Variants in CDH13 observed in about 807,000 individuals in gnomAD.
CDH13 encodes the protein cadherin 13, also known as cadherin-13.
In CDH13, 24 loss-of-function variants were observed where a neutral mutation model predicts 63.8. The ratio of observed to expected loss-of-function variants is 0.38; its 90% CI spans 0.27 to 0.53. The LOEUF is 0.53. CDH13 is among the 20% of genes least tolerant of loss of function. The pLI is 0.85. For missense variants in CDH13, 1,049 were observed against 903.1 expected (o/e 1.16, Z -2.07); for synonymous variants, 503 against 355.3 (o/e 1.42, Z -4.67).
chr16:83,479,969 C>T (rs191281834), intron 6 of CDH13, among the ~76,000 whole-genome samples: 1 of 152,254 alleles, frequency 6.6e-6, no homozygotes, highest in Non-Finnish European at 1.5e-5. Flanking sequence ...ACACAAGAGG[C>T]TCAGAGAGCA....
intron 3 of CDH13, among the ~76,000 whole-genome samples, chr16:83,089,689 C>G (rs749960805): frequency 1.3e-5 from 2 of 152,136 alleles, no homozygotes; most frequent in East Asian, 1.9e-4. Context: ...GAATTCGAGT[C>G]TGAATGTTTA....
intron 7 of CDH13, among the ~76,000 whole-genome samples, chr16:83,521,747 G>T (rs73605872): frequency 6.6e-6 from 1 of 152,180 alleles, no homozygotes; most frequent in Non-Finnish European, 1.5e-5. Context: ...CAACCTGGGT[G>T]CATGGAACCA....
chr16:82,764,438 T>C (rs1338246012), intron 1 of CDH13, among the ~76,000 whole-genome samples: 1 of 152,164 alleles, frequency 6.6e-6, no homozygotes, highest in Non-Finnish European at 1.5e-5. Flanking sequence ...AAGTCTCAAA[T>C]CTATGTTCAG....
At chr16:83,513,221 A>T (rs550156396) in intron 7 of CDH13, among the ~76,000 whole-genome samples, 1 of 152,162 alleles carries the variant, frequency 6.6e-6, no homozygotes, top group African/African-American at 2.4e-5. Flanking sequence ...ACAAAGATCC[A>T]TGTTCACATC....
chr16:83,508,377 C>A (rs2074474029), intron 7 of CDH13: 1 of 154,436 alleles, frequency 6.5e-6, no homozygotes, highest in Non-Finnish European at 1.5e-5. Context: ...GTGCATCCGC[C>A]CTTCGATGCT....
At chr16:83,127,656 G>T (rs2035870855) in intron 4 of CDH13, among the ~76,000 whole-genome samples, 1 of 152,192 alleles carries the variant, frequency 6.6e-6, no homozygotes, top group Admixed American at 6.5e-5. Context: ...GAACCCAGGA[G>T]GTGGAGGTTG....
At chr16:83,491,717 C>T (rs1440725043) in intron 7 of CDH13, among the ~76,000 whole-genome samples, 1 of 152,010 alleles carries the variant, frequency 6.6e-6, no homozygotes, top group Non-Finnish European at 1.5e-5. Flanking sequence ...TTTGCCTTTA[C>T]CTTATTATCT....
At chr16:83,492,652 G>A (rs2074041555) in intron 7 of CDH13, among the ~76,000 whole-genome samples, 1 of 152,210 alleles carries the variant, frequency 6.6e-6, no homozygotes, top group African/African-American at 2.4e-5. Flanking sequence ...AGCAAATAAA[G>A]TAGAATAGGA....
chr16:82,795,718 C>T (rs567337356), intron 1 of CDH13, among the ~76,000 whole-genome samples: 40 of 152,262 alleles, frequency 2.6e-4, no homozygotes, highest in African/African-American at 9.1e-4. Context: ...AGTTCCTAAT[C>T]CAGCTCACTT....
chr16:83,181,654 A>T (rs2038351349), intron 4 of CDH13, among the ~76,000 whole-genome samples: 1 of 152,176 alleles, frequency 6.6e-6, no homozygotes, highest in Middle Eastern at 3.2e-3. Context: ...GAGGGGGAGA[A>T]GAGGGGATGA....
chr16:83,375,405 A>G (rs1351670632), intron 6 of CDH13, among the ~76,000 whole-genome samples: 1 of 152,196 alleles, frequency 6.6e-6, no homozygotes, highest in East Asian at 1.9e-4. Flanking sequence ...ATCAGTGGCT[A>G]TGGAATCAAA....
At chr16:82,920,515 A>G (rs906883980) in intron 2 of CDH13, among the ~76,000 whole-genome samples, 3 of 152,194 alleles carry the variant, frequency 2.0e-5, no homozygotes, top group African/African-American at 7.2e-5. Context: ...TCCTACAACT[A>G]GGAATGGAGT....
rs199753835 is a variant in CDH13 at position 83,004,213 on chromosome 16, G to C, written c.158-27797G>C. On this transcript the variant is annotated intron_variant, in intron 2 of 13. Coordinates refer to ENST00000567109, the MANE Select transcript of CDH13 (RefSeq NM_001257.5). ...TGAGTATCTGTGTTCCCTTGCAGCG[G>C]GTTTTGTAGGAGTCAGGGATAAAGA... is the stretch of plus-strand genomic sequence containing the variant. 1.2e-4 allele frequency among the ~76,000 whole-genome samples: 18 copies of C among 152,252 alleles called. No homozygotes were observed. The East Asian group carries it at 3.5e-3, about 29-fold the overall frequency.
At chr16:82,767,233 C>T (rs927840546) in intron 1 of CDH13, among the ~76,000 whole-genome samples, 1 of 152,140 alleles carries the variant, frequency 6.6e-6, no homozygotes, top group Admixed American at 6.5e-5. Context: ...ATCTGTGTAA[C>T]CCAAAGCATT....
intron 5 of CDH13, among the ~76,000 whole-genome samples, chr16:83,262,232 T>C (rs1018387786): frequency 6.6e-6 from 1 of 152,186 alleles, no homozygotes; most frequent in Non-Finnish European, 1.5e-5. Context: ...CAATCCCCTG[T>C]AAGTATAATT....
At chr16:83,263,411 T>C (rs898538178) in intron 5 of CDH13, among the ~76,000 whole-genome samples, 1 of 152,146 alleles carries the variant, frequency 6.6e-6, no homozygotes, top group Non-Finnish European at 1.5e-5. Flanking sequence ...TTTTAGGAAA[T>C]ATCCATTTCC....
intron 2 of CDH13, among the ~76,000 whole-genome samples, chr16:82,901,585 C>T (rs1166816178): frequency 6.6e-6 from 1 of 152,082 alleles, no homozygotes; most frequent in Non-Finnish European, 1.5e-5. Context: ...CTGAAAAAGG[C>T]ATGTTGCTTG....
chr16:83,451,293 C>T (rs1195971645), intron 6 of CDH13, among the ~76,000 whole-genome samples: 1 of 152,172 alleles, frequency 6.6e-6, no homozygotes, highest in Non-Finnish European at 1.5e-5. Context: ...TTACATCTTA[C>T]ATGGCAGCAG....
At chr16:82,890,161 C>A (rs1467810519) in intron 2 of CDH13, among the ~76,000 whole-genome samples, 2 of 152,188 alleles carry the variant, frequency 1.3e-5, no homozygotes, top group Non-Finnish European at 2.9e-5. Context: ...GAGATTCCTT[C>A]CTGGAATTTT....
Sources: gnomAD v4.1 joint callset for allele counts (sites outside exome capture counted in the v4.1 genomes callset) on GRCh38, gnomAD v4.1.1 for gene constraint, MANE v1.5 for transcripts, NCBI Gene and HGNC (gene_info 2026-07-23, HGNC 2026-07-21) for gene names.